The following PDE7B variants were observed in gnomAD, a reference collection of about 807,000 sequenced individuals.
The protein encoded by PDE7B is 3',5'-cyclic-AMP phosphodiesterase 7B.
PDE7B carries 29 observed loss-of-function variants against 56.2 expected under a neutral mutation model. The ratio of observed to expected loss-of-function variants is 0.52; its 90% confidence interval spans 0.38 to 0.70. The LOEUF (loss-of-function observed/expected upper bound fraction) is 0.70, where lower values mean the gene tolerates loss of function less well. Among genes scored for constraint, PDE7B ranks in the 30% least tolerant of loss-of-function variants. The pLI, the probability that PDE7B is intolerant of heterozygous loss-of-function variation, is 0.00. For missense variants in PDE7B, 490 were observed against 565.0 expected (o/e 0.87, Z 1.35); for synonymous variants, 197 against 196.9 (o/e 1.00, Z 0.00).
At chr6:135,904,455 A>G (rs1156725798) in intron 1 of PDE7B, among the ~76,000 whole-genome samples, 1 of 152,124 alleles carries the variant, frequency 6.6e-6, no homozygotes, top group African/African-American at 2.4e-5. Context: ...CCACGCCACC[A>G]CAACCCCTTG....
At chr6:136,091,154 A>C (rs1213734052) in intron 2 of PDE7B, among the ~76,000 whole-genome samples, 2 of 152,216 alleles carry the variant, frequency 1.3e-5, no homozygotes, top group East Asian at 3.8e-4. Context: ...GTGGTTCTCA[A>C]CATCTCCCCA....
intron 3 of PDE7B, among the ~76,000 whole-genome samples, chr6:136,136,034 A>T (rs985471298): frequency 2.8e-4 from 43 of 152,074 alleles, no homozygotes; most frequent in Non-Finnish European, 5.3e-4. Flanking sequence ...AGGTTACTTC[A>T]ATCTTAAAAT....
At chr6:135,967,821 G>T (rs1775022274) in intron 2 of PDE7B, among the ~76,000 whole-genome samples, 1 of 152,204 alleles carries the variant, frequency 6.6e-6, no homozygotes, top group Non-Finnish European at 1.5e-5. Context: ...TCATGGGCAA[G>T]AGCACATAAT....
rs112322778 is a variant in PDE7B at position 136,049,809 on chromosome 6, G to A, written c.83-58922G>A. On this transcript the variant is annotated intron_variant, in intron 2 of 12. Transcript: ENST00000308191. Reference sequence around the variant, plus strand: ...AAACAGAAAAAGACATTAGTGGGACGAGACTGCATATGGACAAGAAATCTT... The same window carrying A: ...AAACAGAAAAAGACATTAGTGGGACAAGACTGCATATGGACAAGAAATCTT... 5.1e-3 allele frequency among the ~76,000 whole-genome samples: 782 copies of A among 152,318 alleles called. 2 individuals carry two copies. The highest frequency in any genetic ancestry group is 0.01 in the Middle Eastern group (3 of 294).
intron 1 of PDE7B, among the ~76,000 whole-genome samples, chr6:135,925,538 A>G (rs1774168163): frequency 6.6e-6 from 1 of 152,216 alleles, no homozygotes; most frequent in South Asian, 2.1e-4. Flanking sequence ...GAACTATTTC[A>G]CTAGATGAAA....
chr6:135,928,445 A>T (rs139525702), intron 1 of PDE7B, among the ~76,000 whole-genome samples: 6,683 of 111,970 alleles, frequency 0.06, 229 homozygotes, highest in African/African-American at 0.1. Context: ...ATATATATAT[A>T]TATTTATTTA....
chr6:136,106,079 G>T (rs1777640455), intron 2 of PDE7B, among the ~76,000 whole-genome samples: 1 of 138,716 alleles, frequency 7.2e-6, no homozygotes, highest in Admixed American at 7.2e-5. Context: ...TACTAATGGA[G>T]AAGTGATTTC....
chr6:135,979,184 G>A (rs956939630), intron 2 of PDE7B, among the ~76,000 whole-genome samples: 6 of 151,784 alleles, frequency 4.0e-5, no homozygotes, highest in Admixed American at 6.6e-5. Flanking sequence ...TACATTTATT[G>A]ATTTGTGTAT....
chr6:135,909,624 A>G (rs1001605678), intron 1 of PDE7B, among the ~76,000 whole-genome samples: 1 of 73,912 alleles, frequency 1.4e-5, no homozygotes, highest in South Asian at 4.3e-4. Flanking sequence ...AATAAATAAT[A>G]AATAAATAAA....
intron 9 of PDE7B, 70 bp downstream of exon 9, chr6:136,173,958 C>G: frequency 9.0e-7 from 1 of 1,116,664 alleles, no homozygotes. Flanking sequence ...CTAGGGCAGG[C>G]TTGGGACCTT....
At chr6:135,902,470 A>G (rs914100881) in intron 1 of PDE7B, among the ~76,000 whole-genome samples, 7 of 152,108 alleles carry the variant, frequency 4.6e-5, no homozygotes, top group African/African-American at 1.7e-4. Context: ...CTTTTTACAC[A>G]TCAAATAAAA....
chr6:135,867,650 G>A lies in PDE7B; in HGVS notation c.21+15631G>A, dbSNP rs149095478. Among the ~76,000 whole-genome samples, 1,054 of 152,184 alleles carry A rather than the reference G, an allele frequency of 6.9e-3. 13 individuals are homozygous for A. The highest frequency in any genetic ancestry group is 0.023 in the Admixed American group (345 of 15,278). The stretch of plus-strand genomic sequence containing the variant: ...TCTTAAATGGTAAGTTTTATGAAAC[G>A]TTACTCTTCTCCGTTGATAATATTA... On this transcript the variant is annotated intron_variant, in intron 1 of 12. Transcript: ENST00000308191.
intron 3 of PDE7B, among the ~76,000 whole-genome samples, chr6:136,139,362 T>C (rs1408835868): frequency 1.3e-5 from 2 of 152,194 alleles, no homozygotes; most frequent in African/African-American, 4.8e-5. Flanking sequence ...CTTAATCCAG[T>C]CTATCATTGT....
intron 2 of PDE7B, among the ~76,000 whole-genome samples, chr6:135,983,329 C>T (rs1184527565): frequency 1.3e-5 from 2 of 152,278 alleles, no homozygotes; most frequent in East Asian, 1.9e-4. Context: ...AGAGACCTGT[C>T]CATGTCCTAG....
intron 1 of PDE7B, among the ~76,000 whole-genome samples, chr6:135,906,810 GTTTTTTT>G (rs869049424): frequency 5.0e-5 from 3 of 59,542 alleles, no homozygotes; most frequent in African/African-American, 1.4e-4. Flanking sequence ...AATGAGGTTT[GTTTTTTT>G]TTTTTTTTTT....
intron 9 of PDE7B, among the ~76,000 whole-genome samples, chr6:136,176,949 T>A (rs750790600): frequency 6.6e-6 from 1 of 152,172 alleles, no homozygotes; most frequent in Non-Finnish European, 1.5e-5. Context: ...TTGAGATATT[T>A]TGTATTTCTC....
chr6:136,044,172 C>T (rs1335984259), intron 2 of PDE7B: 2 of 152,186 alleles, frequency 1.3e-5, no homozygotes, highest in East Asian at 1.9e-4. Flanking sequence ...ATATGCCTTT[C>T]TCTTCTGAAG....
At chr6:136,130,299 G>A (rs1778095672) in intron 3 of PDE7B, among the ~76,000 whole-genome samples, 1 of 152,102 alleles carries the variant, frequency 6.6e-6, no homozygotes, top group African/African-American at 2.4e-5. Flanking sequence ...TCCGATGGGT[G>A]CTTGAATGTC....
chr6:135,898,909 T>G (rs1775948294), intron 1 of PDE7B, among the ~76,000 whole-genome samples: 1 of 152,160 alleles, frequency 6.6e-6, no homozygotes, highest in African/African-American at 2.4e-5. Context: ...TATGATATGG[T>G]TTGGCTGTGT....
Sources: allele counts gnomAD v4.1 joint callset (sites outside exome capture counted in the v4.1 genomes callset), GRCh38; gene constraint gnomAD v4.1.1; transcripts MANE v1.5; gene names NCBI Gene and HGNC (gene_info 2026-07-23, HGNC 2026-07-21).